ST3GAL1: variants seen among roughly 807,000 people sequenced by gnomAD.
The protein encoded by ST3GAL1 is ST3 beta-galactoside alpha-2,3-sialyltransferase 1, also known as CMP-N-acetylneuraminate-beta-galactosamide-alpha-2,3-sialyltransferase 1.
A neutral mutation model predicts 34.1 loss-of-function variants in ST3GAL1; 16 were observed. The ratio of observed to expected loss-of-function variants is 0.47; its 90% CI spans 0.32 to 0.71. The LOEUF is 0.71. ST3GAL1 is among the 30% of genes least tolerant of loss of function. The pLI is 0.04. For missense variants in ST3GAL1, 353 were observed against 447.4 expected (o/e 0.79, Z 1.90); for synonymous variants, 191 against 184.7 (o/e 1.03, Z -0.28).
Position 133,570,470 on chromosome 8 carries a change from C to T in ST3GAL1, c.-582+1223G>A, listed in dbSNP as rs969204621. 24 of 152,216 alleles carry T rather than the reference C, an allele frequency of 1.6e-4. No homozygotes were observed. The highest frequency in any genetic ancestry group is 4.6e-4 in the African/African-American group (19 of 41,430). The allele number at this position is 152,216 out of a possible 1,614,324, so 9.4% of individuals were successfully genotyped here. ...GGTGCGCACGTGTCCCCTCGCCCAA[C>T]ACACCACCGAGCCCCGCGCATGGTA... On this transcript the variant is annotated intron_variant, in intron 1 of 9. Coordinates refer to ENST00000522652, the MANE Select transcript of ST3GAL1 (RefSeq NM_173344.3). The surrounding 1 kb of genome is among the most constrained non-coding windows in gnomAD (Gnocchi z 5.6).
At chr8:133,546,112 G>C (rs2131075641) in intron 1 of ST3GAL1, among the ~76,000 whole-genome samples, 186 bp from the exon 2 acceptor site, 1 of 152,306 alleles carries the variant, frequency 6.6e-6, no homozygotes, top group South Asian at 2.1e-4. Flanking sequence ...CCACACACCA[G>C]AACAGGAAGG....
At chr8:133,540,310 T>C (rs75782756) in intron 2 of ST3GAL1, among the ~76,000 whole-genome samples, 4 of 152,352 alleles carry the variant, frequency 2.6e-5, no homozygotes, top group South Asian at 2.1e-4. Context: ...CATCGGAATA[T>C]TGAACGACTG....
chr8:133,461,120 A>T lies in ST3GAL1; in HGVS notation c.849+755T>A, dbSNP rs1419732261. Among the ~76,000 whole-genome samples, 2 of 152,122 alleles carry T rather than the reference A, an allele frequency of 1.3e-5. No homozygotes were observed. The highest frequency in any genetic ancestry group is 1.3e-4 in the Admixed American group (2 of 15,278). ...GGCACCCATGTTTCTACCTGGGAAC[A>T]CCAGGGTGGGGCTGAGCCTGGGGAC... On this transcript the variant is annotated intron_variant, in intron 9 of 9. Coordinates refer to ENST00000522652, the MANE Select transcript of ST3GAL1 (RefSeq NM_173344.3). This position sits in a 1 kb window ranked among gnomAD's most constrained non-coding sequence, Gnocchi z 4.7.
intron 3 of ST3GAL1, among the ~76,000 whole-genome samples, chr8:133,491,278 T>C (rs1207996234): frequency 1.3e-5 from 2 of 151,616 alleles, no homozygotes; most frequent in Non-Finnish European, 2.9e-5. Flanking sequence ...AGTCCTAGGA[T>C]AGCCAAATGA....
At chr8:133,561,243 A>T (rs1290331880) in intron 1 of ST3GAL1, among the ~76,000 whole-genome samples, 2 of 150,748 alleles carry the variant, frequency 1.3e-5, no homozygotes, top group African/African-American at 4.9e-5. Flanking sequence ...CTTTGACTCC[A>T]TCTCCTTAGA....
At chr8:133,494,889 C>A (rs561644731) in intron 3 of ST3GAL1, among the ~76,000 whole-genome samples, 1 of 149,398 alleles carries the variant, frequency 6.7e-6, no homozygotes, top group Non-Finnish European at 1.5e-5. Context: ...TGATGTGTAT[C>A]GGCCTCTGCG....
At chr8:133,568,756 C>T (rs1819479553) in intron 1 of ST3GAL1, among the ~76,000 whole-genome samples, 1 of 152,080 alleles carries the variant, frequency 6.6e-6, no homozygotes, top group Non-Finnish European at 1.5e-5. Context: ...GAGGGCCCTT[C>T]CTTGGGTAAT....
chr8:133,479,499 G>A lies in ST3GAL1; in HGVS notation c.-373-2899C>T, dbSNP rs374579004. ...CTACATTTGCCTTTATAATGAGCAGGGCCTAGGACACCCTTGCCCTTAGTG... is the reference window on the plus strand; with the variant it reads ...CTACATTTGCCTTTATAATGAGCAGAGCCTAGGACACCCTTGCCCTTAGTG... On this transcript the variant is annotated intron_variant, in intron 3 of 9. Transcript: ENST00000522652. Among the ~76,000 whole-genome samples, 5 of 152,160 alleles carry A rather than the reference G, an allele frequency of 3.3e-5. No homozygotes were observed. In the East Asian group the frequency reaches 9.6e-4, roughly 29 times the overall value.
chr8:133,562,147 T>C (rs1563744295), intron 1 of ST3GAL1, among the ~76,000 whole-genome samples: 1 of 151,396 alleles, frequency 6.6e-6, no homozygotes. Context: ...ACACAGAAGA[T>C]CTGGAGGCAG....
At chr8:133,485,792 G>C (rs1055108012) in intron 3 of ST3GAL1, among the ~76,000 whole-genome samples, 1 of 150,980 alleles carries the variant, frequency 6.6e-6, no homozygotes, top group African/African-American at 2.4e-5. Context: ...TGGAGCTTTG[G>C]GGGGGATAGA....
chr8:133,530,407 A>G (rs545678646), intron 2 of ST3GAL1, among the ~76,000 whole-genome samples: 22 of 151,624 alleles, frequency 1.5e-4, no homozygotes, highest in Non-Finnish European at 2.9e-4. Flanking sequence ...TCAGCCTCCC[A>G]AGTAGTTTGG....
chr8:133,565,385 G>T (rs1819363715), intron 1 of ST3GAL1, among the ~76,000 whole-genome samples: 1 of 152,134 alleles, frequency 6.6e-6, no homozygotes, highest in African/African-American at 2.4e-5. Context: ...TGAGGAGGGG[G>T]CCTTGTGGTC....
chr8:133,547,666 G>A (rs1285763567), intron 1 of ST3GAL1, among the ~76,000 whole-genome samples: 1 of 152,210 alleles, frequency 6.6e-6, no homozygotes, highest in Non-Finnish European at 1.5e-5. Flanking sequence ...AACACAAACT[G>A]TGCAGACCAG....
chr8:133,476,054 A>T lies in ST3GAL1; in HGVS notation c.-30T>A. 1 of 1,531,980 alleles carries T rather than the reference A, an allele frequency of 6.5e-7. No homozygotes were observed. The allele number at this position is 1,531,980 out of a possible 1,614,324, so 94.9% of individuals were successfully genotyped here. On this transcript the variant is annotated 5_prime_UTR_variant, in exon 5 of 10. Transcript: ENST00000522652. ...GCAGTCCTGATGGTGGCCTCCCACG[A>T]TGGGTAGCAGGAACTCCCTCCTAAG...
chr8:133,464,903 G>A lies in ST3GAL1; in HGVS notation c.558C>T (p.Thr186=), dbSNP rs745931913. The part of the protein sequence containing the change: ...GFEADVGTKT[T]HHLVYPESFR... ...AGCTCTCAGGGTACACCAGATGGTG[G>A]GTGGTCTTGGTCCCAACATCAGCTT... Residue 186 remains threonine, a synonymous_variant, in exon 7 of 10, where the codon ACC becomes ACT. Coordinates refer to ENST00000522652, the MANE Select transcript of ST3GAL1 (RefSeq NM_173344.3). 8 of 1,614,022 alleles carry A rather than the reference G, an allele frequency of 5.0e-6. No homozygotes were observed. Among genetic ancestry groups the A allele is most frequent in the Non-Finnish European group, 6.8e-6 (8 of 1,179,950 alleles).
Position 133,467,548 on chromosome 8 carries a change from AG to A in ST3GAL1, c.307-1459del, listed in dbSNP as rs1447105107. Among the ~76,000 whole-genome samples, 1 of 152,188 alleles carries A rather than the reference AG, an allele frequency of 6.6e-6. No individual in the cohort carries two copies. The highest frequency in any genetic ancestry group is 1.9e-4 in the East Asian group (1 of 5,194). ...CCCAGGCTTCTAGAAACCCACCAGC[AG>A]GTTTCTCCCACCACACAACCCTAAC... On this transcript the variant is annotated intron_variant, in intron 5 of 9. Transcript: ENST00000522652. The surrounding 1 kb of genome is among the most constrained non-coding windows in gnomAD (Gnocchi z 4.2).
intron 8 of ST3GAL1, among the ~76,000 whole-genome samples, chr8:133,462,308 C>T (rs1469347325): frequency 6.6e-6 from 1 of 152,140 alleles, no homozygotes; most frequent in Non-Finnish European, 1.5e-5. Context: ...TGGGAGGCTG[C>T]TCAGGAGAAG....
At chr8:133,488,501 T>C (rs916787117) in intron 3 of ST3GAL1, 9 of 152,288 alleles carry the variant, frequency 5.9e-5, no homozygotes, top group African/African-American at 2.2e-4. Context: ...GCCTGAGATT[T>C]CAGCCCTCTG....
chr8:133,531,812 C>CAAAAAAA (rs1818164412), intron 2 of ST3GAL1, among the ~76,000 whole-genome samples: 1 of 12,052 alleles, frequency 8.3e-5, no homozygotes. Context: ...AACTTAAAAA[C>CAAAAAAA]AGAAAAAAAA....
Sources: allele counts gnomAD v4.1 joint callset (sites outside exome capture counted in the v4.1 genomes callset), GRCh38; gene constraint gnomAD v4.1.1; non-coding constraint Gnocchi (gnomAD v3.1); transcripts MANE v1.5; gene names NCBI Gene and HGNC (gene_info 2026-07-23, HGNC 2026-07-21).